GSG1L: variants seen among roughly 807,000 people sequenced by gnomAD.
GSG1L encodes the protein germ cell-specific gene 1-like protein.
Under a neutral mutation model 42.1 loss-of-function variants are expected in GSG1L, and 24 were observed. That is an observed-to-expected ratio of 0.57 (90% CI 0.41 to 0.80). GSG1L has a LOEUF of 0.80. GSG1L is among the 30% of genes least tolerant of loss of function. The pLI is 0.00. For missense variants in GSG1L, 445 were observed against 472.2 expected (o/e 0.94, Z 0.53); for synonymous variants, 215 against 203.5 (o/e 1.06, Z -0.48).
chr16:27,927,115 G>A (rs1202023280), intron 2 of GSG1L, among the ~76,000 whole-genome samples: 7 of 151,894 alleles, frequency 4.6e-5, no homozygotes, highest in South Asian at 2.1e-4. Context: ...TACTCCCAAC[G>A]CAGCAGCCAG....
At chr16:28,015,618 G>T (rs2085771879) in intron 1 of GSG1L, among the ~76,000 whole-genome samples, 1 of 152,214 alleles carries the variant, frequency 6.6e-6, no homozygotes, top group African/African-American at 2.4e-5. Context: ...TATAAGGCAG[G>T]CTCCTTTGAC....
intron 1 of GSG1L, among the ~76,000 whole-genome samples, chr16:27,973,257 C>CTG (rs2085212593): frequency 1.3e-5 from 2 of 151,878 alleles, no homozygotes; most frequent in Non-Finnish European, 2.9e-5. Flanking sequence ...CAAGACCAGC[C>CTG]TGTCCAGCAT....
chr16:27,922,562 C>T (rs1477988171), intron 2 of GSG1L, among the ~76,000 whole-genome samples: 1 of 152,226 alleles, frequency 6.6e-6, no homozygotes, highest in African/African-American at 2.4e-5. Context: ...GCCCCCTCCT[C>T]ATCTCGTCCC....
chr16:27,902,126 T>C (rs12446754), intron 2 of GSG1L, among the ~76,000 whole-genome samples: 21,112 of 152,174 alleles, frequency 0.14, 2,260 homozygotes, highest in Admixed American at 0.26. Context: ...TGGCAGGATG[T>C]TGTCTGTCTG....
intron 2 of GSG1L, among the ~76,000 whole-genome samples, chr16:27,943,043 T>TTTTG (rs533456550): frequency 3.4e-4 from 52 of 152,084 alleles, no homozygotes; most frequent in East Asian, 1.5e-3. Context: ...TGCAGAGTGG[T>TTTTG]TTTGTTTGTT....
At chr16:27,804,037 G>GGATAGATACAGATAGATA (rs1555500773) in intron 6 of GSG1L, among the ~76,000 whole-genome samples, 1 of 132,676 alleles carries the variant, frequency 7.5e-6, no homozygotes, top group African/African-American at 3.1e-5. Flanking sequence ...TAGATTAGAT[G>GGATAGATACAGATAGATA]GATAGATAGA....
At chr16:27,898,674 TTCTCTCTC>T (rs71140920) in intron 2 of GSG1L, among the ~76,000 whole-genome samples, 10 of 148,070 alleles carry the variant, frequency 6.8e-5, no homozygotes, top group Admixed American at 4.0e-4. Flanking sequence ...TCCTCCCTCT[TTCTCTCTC>T]TCTCTCTCTC....
At chr16:27,807,661 A>G (rs1820675758) in intron 5 of GSG1L, 107 bp from the exon 6 acceptor site, 1 of 932,946 alleles carries the variant, frequency 1.1e-6, no homozygotes, top group African/African-American at 1.7e-5. Flanking sequence ...TCTGGAGAAT[A>G]TTTTGCAAAG....
intron 5 of GSG1L, among the ~76,000 whole-genome samples, chr16:27,815,721 A>T (rs770855835): frequency 6.6e-6 from 1 of 152,182 alleles, no homozygotes; most frequent in Non-Finnish European, 1.5e-5. Context: ...GGCACATAAT[A>T]TACCTATTCT....
intron 1 of GSG1L, among the ~76,000 whole-genome samples, chr16:27,999,500 T>C (rs866008928): frequency 6.6e-6 from 1 of 152,230 alleles, no homozygotes; most frequent in African/African-American, 2.4e-5. Flanking sequence ...ATTTTATGCA[T>C]CTGTTGTTAT....
Position 27,934,167 on chromosome 16 carries a change from A to G in GSG1L, c.397+28989T>C, listed in dbSNP as rs2084688651. Among the ~76,000 whole-genome samples, 6 of 152,338 alleles carry G rather than the reference A, an allele frequency of 3.9e-5. No homozygotes were observed. The South Asian group carries it at 1.2e-3, about 32-fold the overall frequency. On this transcript the variant is annotated intron_variant, in intron 2 of 6. Coordinates refer to ENST00000447459, the MANE Select transcript of GSG1L (RefSeq NM_001109763.2). ...GCAAGGGCCACTCCCCGCCAACACT[A>G]CTACCCTCCAGCTCATTTAATTCAA... is the stretch of plus-strand genomic sequence containing the variant.
intron 2 of GSG1L, among the ~76,000 whole-genome samples, chr16:27,898,769 A>G (rs1052250905): frequency 6.6e-6 from 1 of 151,614 alleles, no homozygotes. Flanking sequence ...GGTACATGTG[A>G]TATTTCTAAA....
At chr16:27,811,882 C>A (rs1051522232) in intron 5 of GSG1L, among the ~76,000 whole-genome samples, 11 of 152,224 alleles carry the variant, frequency 7.2e-5, no homozygotes, top group Admixed American at 7.2e-4. Flanking sequence ...AACTCCTGAC[C>A]TCAGGTGATC....
At position 27,965,959 on chromosome 16, in the gene GSG1L, C is replaced by T. The variant is rs550347184; in HGVS notation, c.350-2756G>A. 2.0e-5 allele frequency among the ~76,000 whole-genome samples: 3 copies of T among 152,218 alleles called. No homozygotes were observed. The East Asian group carries it at 5.8e-4, about 30-fold the overall frequency. On this transcript the variant is annotated intron_variant, in intron 1 of 6. Transcript: ENST00000447459. ...CCTCTGTGATCTGTCTCTCCATCAC[C>T]TCCCTGACCTCTTTCCCTCCTGTCT...
intron 2 of GSG1L, among the ~76,000 whole-genome samples, chr16:27,919,329 T>C (rs774456652): frequency 1.4e-4 from 22 of 152,196 alleles, no homozygotes; most frequent in Non-Finnish European, 2.8e-4. Flanking sequence ...CCATCATGGC[T>C]GCCCATGATC....
intron 2 of GSG1L, among the ~76,000 whole-genome samples, chr16:27,949,017 A>C (rs538415460): frequency 2.4e-3 from 367 of 151,538 alleles, no homozygotes; most frequent in Admixed American, 3.4e-3. Flanking sequence ...TCCCAGGCTC[A>C]AGTGATCCTC....
intron 1 of GSG1L, among the ~76,000 whole-genome samples, chr16:27,989,780 A>C (rs2085435174): frequency 6.6e-6 from 1 of 151,996 alleles, no homozygotes; most frequent in African/African-American, 2.4e-5. Context: ...AAACGTTGTC[A>C]AATAAGAAAT....
At chr16:27,959,181 G>A (rs2085038935) in intron 2 of GSG1L, among the ~76,000 whole-genome samples, 1 of 148,880 alleles carries the variant, frequency 6.7e-6, no homozygotes, top group African/African-American at 2.5e-5. Context: ...CACTTGACCA[G>A]GTGCAGTGGC....
chr16:27,827,956 C>A (rs1291591383), intron 5 of GSG1L, among the ~76,000 whole-genome samples: 3 of 127,292 alleles, frequency 2.4e-5, no homozygotes, highest in Non-Finnish European at 5.2e-5. Context: ...CATCTACCTA[C>A]CCATCCACCA....
Sources: allele counts gnomAD v4.1 joint callset (sites outside exome capture counted in the v4.1 genomes callset), GRCh38; gene constraint gnomAD v4.1.1; transcripts MANE v1.5; gene names NCBI Gene and HGNC (gene_info 2026-07-23, HGNC 2026-07-21).